NIPBL: variants seen among roughly 807,000 people sequenced by gnomAD.
NIPBL encodes nipped-B-like protein.
In NIPBL, 19 loss-of-function variants were observed where a neutral mutation model predicts 321.8. That is an observed-to-expected ratio of 0.06 (90% CI 0.04 to 0.09). NIPBL has a LOEUF of 0.09. Ranked by LOEUF, NIPBL falls within the 10% of genes least tolerant of loss-of-function variation. The pLI, the probability that NIPBL is intolerant of heterozygous loss-of-function variation, is 1.00. For missense variants in NIPBL, 2,210 were observed against 3,327.0 expected, an observed-to-expected ratio of 0.66 and a Z score of 8.26; for synonymous variants, 1,106 against 1,114.1, an observed-to-expected ratio of 0.99 and a Z score of 0.14.
intron 5 of NIPBL, 83 bp downstream of exon 5, chr5:36,961,666 AT>A: frequency 1.1e-6 from 1 of 912,160 alleles, no homozygotes; most frequent in Non-Finnish European, 1.8e-6. Context: ...CATTTAGGTA[AT>A]GGTGGATTAT....
rs758683339 is a variant in NIPBL at position 37,060,916 on chromosome 5, T to G, written c.7758T>G (p.Val2586=). 6 of 1,614,070 alleles carry G rather than the reference T, an allele frequency of 3.7e-6. No homozygotes were observed. In the East Asian group the frequency reaches 1.3e-4, roughly 36 times the overall value. The change falls in exon 45 of 47, where the codon GTT becomes GTG. Residue 2586 remains valine (V), a synonymous_variant. Transcript: ENST00000282516. Reference sequence around the variant, plus strand: ...AAGCGATAAACCGAAAAACAGGAGTTCATTTTCATCCAAAACAAACACTGG... The same window carrying G: ...AAGCGATAAACCGAAAAACAGGAGTGCATTTTCATCCAAAACAAACACTGG... ...YDKAINRKTG[V]HFHPKQTLDF...
At chr5:37,041,252 GTTTTTTT>G (rs1163179336) in intron 34 of NIPBL, among the ~76,000 whole-genome samples, 15 of 63,996 alleles carry the variant, frequency 2.3e-4, no homozygotes, top group African/African-American at 1.0e-3. Context: ...TTATGTGGTG[GTTTTTTT>G]TTTTTTTTTT....
intron 21 of NIPBL, among the ~76,000 whole-genome samples, chr5:37,010,786 T>C (rs554022823): frequency 5.9e-5 from 9 of 152,310 alleles, no homozygotes; most frequent in East Asian, 3.9e-4. Context: ...ATAATACTTA[T>C]CAAAACTGCT....
chr5:37,027,044 A>G (rs139527143), intron 31 of NIPBL, among the ~76,000 whole-genome samples: 1 of 152,300 alleles, frequency 6.6e-6, no homozygotes, highest in African/African-American at 2.4e-5. Context: ...TTAATGTTTA[A>G]GATATTACAG....
intron 32 of NIPBL, among the ~76,000 whole-genome samples, chr5:37,031,404 A>T (rs182086823): frequency 1.3e-5 from 2 of 152,136 alleles, no homozygotes; most frequent in East Asian, 3.9e-4. Context: ...AGGTCCTCAC[A>T]TTTTTTTTAT....
At chr5:36,961,651 T>C in intron 5 of NIPBL, 68 bp downstream of exon 5, 1 of 985,716 alleles carries the variant, frequency 1.0e-6, no homozygotes, top group Non-Finnish European at 1.6e-6. Flanking sequence ...AATATATGGT[T>C]CATACATTTA....
chr5:36,939,068 T>A (rs1738777108), intron 1 of NIPBL, among the ~76,000 whole-genome samples: 1 of 152,174 alleles, frequency 6.6e-6, no homozygotes, highest in Non-Finnish European at 1.5e-5. Flanking sequence ...AGTAGTGTAG[T>A]CATAGCTTAT....
At chr5:36,931,405 C>T (rs576644120) in intron 1 of NIPBL, among the ~76,000 whole-genome samples, 19 of 151,532 alleles carry the variant, frequency 1.3e-4, no homozygotes, top group African/African-American at 9.7e-5. Flanking sequence ...GCAGCCTCTG[C>T]CTCCTAGGCT....
At chr5:36,907,920 A>G (rs1338131002) in intron 1 of NIPBL, among the ~76,000 whole-genome samples, 1 of 152,214 alleles carries the variant, frequency 6.6e-6, no homozygotes, top group Non-Finnish European at 1.5e-5. Context: ...CAGCTTTGGT[A>G]AAATAGTAAA....
intron 42 of NIPBL, among the ~76,000 whole-genome samples, chr5:37,055,974 T>C (rs1209449342): frequency 6.6e-6 from 1 of 152,110 alleles, no homozygotes; most frequent in African/African-American, 2.4e-5. Context: ...AGTGGTATCA[T>C]GTCTCCTTTA....
intron 1 of NIPBL, among the ~76,000 whole-genome samples, chr5:36,887,556 T>G (rs1580147382): frequency 2.0e-5 from 3 of 152,288 alleles, no homozygotes. Context: ...CTCTGGGATA[T>G]TCTCTTGTTG....
chr5:36,877,271 C>T (rs1323289603), intron 1 of NIPBL, 93 bp downstream of exon 1: 2 of 162,868 alleles, frequency 1.2e-5, no homozygotes, highest in East Asian at 1.7e-4. Context: ...CCCGCCGTTT[C>T]CTTAGCGGCC....
At chr5:37,043,520 CTG>C (rs1752666715) in intron 34 of NIPBL, among the ~76,000 whole-genome samples, 2 of 121,796 alleles carry the variant, frequency 1.6e-5, no homozygotes, top group Admixed American at 8.5e-5. Context: ...GAGCAAGACT[CTG>C]TCTCAAAAAA....
At position 36,985,073 on chromosome 5, in the gene NIPBL, G is replaced by A. The variant is rs764259165; in HGVS notation, c.1893G>A (p.Val631=). ...CTAAACCAAATGAAAACCGATTGGT[G>A]GAGACAAAATCAAGTGAAAATAAGT... ...AESKPNENRL[V]ETKSSENKLE... is the part of the protein sequence containing the mutation. Residue 631 remains valine, a synonymous_variant, in exon 10 of 47, where the codon GTG becomes GTA. Transcript: ENST00000282516. 1.3e-5 allele frequency: 21 copies of A among 1,613,652 alleles called. No homozygotes were observed. The highest frequency in any genetic ancestry group is 6.7e-5 in the Admixed American group (4 of 59,844).
At chr5:37,001,811 A>C (rs1746839408) in intron 14 of NIPBL, among the ~76,000 whole-genome samples, 1 of 152,214 alleles carries the variant, frequency 6.6e-6, no homozygotes, top group African/African-American at 2.4e-5. Flanking sequence ...AAATGTTTAT[A>C]AAAACACTGC....
chr5:36,971,908 T>C (rs949982181), intron 7 of NIPBL, 37 bp from the exon 8 acceptor site: 1 of 1,580,006 alleles, frequency 6.3e-7, no homozygotes, highest in Non-Finnish European at 8.7e-7. Context: ...AAGCCTCTCC[T>C]GTCATTCAAA....
Position 37,048,603 on chromosome 5 carries a change from A to G in NIPBL, c.6691A>G (p.Ile2231Val). ...TAAGAACTCCTCAGTCAATTTAAAAATACAAGTGTTAAAAAACCTCCAGAC... is the reference window on the plus strand; with the variant it reads ...TAAGAACTCCTCAGTCAATTTAAAAGTACAAGTGTTAAAAAACCTCCAGAC... ...SDKNSSVNLK[I>V]QVLKNLQTYL... is the part of the protein sequence containing the mutation. Residue 2231 changes from isoleucine to valine, a missense_variant, in exon 39 of 47, where the codon ATA becomes GTA. By Grantham distance (29) the Ile-to-Val change is conservative. Around this residue, in one of 14 missense-constraint regions of NIPBL, gnomAD observed 40 missense variants for 55.3 expected, o/e 0.72. Transcript: ENST00000282516. 6.2e-7 allele frequency: 1 copy of G among 1,606,316 alleles called. No individual in the cohort carries two copies. The highest frequency in any genetic ancestry group is 8.5e-7 in the Non-Finnish European group (1 of 1,174,506).
intron 34 of NIPBL, among the ~76,000 whole-genome samples, chr5:37,039,825 T>TA (rs1752130445): frequency 6.6e-6 from 1 of 152,104 alleles, no homozygotes; most frequent in African/African-American, 2.4e-5. Flanking sequence ...GGATAATAAA[T>TA]ACCTAAAAAC....
intron 1 of NIPBL, among the ~76,000 whole-genome samples, chr5:36,913,774 G>A (rs749784541): frequency 3.3e-5 from 5 of 152,120 alleles, no homozygotes; most frequent in Admixed American, 6.6e-5. Context: ...ATGGGAAATT[G>A]TTAAGACAAA....
Sources: allele counts gnomAD v4.1 joint callset (sites outside exome capture counted in the v4.1 genomes callset), GRCh38; gene constraint gnomAD v4.1.1; regional missense constraint gnomAD v4.1.1; transcripts MANE v1.5; gene names NCBI Gene and HGNC (gene_info 2026-07-23, HGNC 2026-07-21).